CEP128: variants seen among roughly 807,000 people sequenced by gnomAD.
The protein encoded by CEP128 is centrosomal protein 128kDa.
A neutral mutation model predicts 156.7 loss-of-function variants in CEP128; 132 were observed. The observed-to-expected ratio is 0.84, with a 90% CI of 0.73 to 0.97. The LOEUF (loss-of-function observed/expected upper bound fraction) is 0.97. CEP128 is among the 50% of genes least tolerant of loss of function. The pLI is 0.00. For synonymous variants in CEP128, 469 were observed against 448.9 expected, an observed-to-expected ratio of 1.04 and a Z score of -0.57; for missense variants, 1,252 against 1,281.9, an observed-to-expected ratio of 0.98 and a Z score of 0.36.
intron 9 of CEP128, among the ~76,000 whole-genome samples, chr14:80,844,740 A>G (rs1239057560): frequency 6.6e-6 from 1 of 152,068 alleles, no homozygotes. Context: ...AATGGCCTAG[A>G]TGTGTTTTTT....
chr14:80,505,250 T>A (rs1000150643), intron 23 of CEP128, among the ~76,000 whole-genome samples: 4 of 152,220 alleles, frequency 2.6e-5, no homozygotes, highest in Non-Finnish European at 5.9e-5. Context: ...CTTTCCAGTC[T>A]TTTTCCCCCA....
At chr14:80,820,740 T>C (rs1885119355) in intron 13 of CEP128, among the ~76,000 whole-genome samples, 1 of 152,220 alleles carries the variant, frequency 6.6e-6, no homozygotes, top group African/African-American at 2.4e-5. Flanking sequence ...CTTTTCTAAA[T>C]TGTACCAGTA....
At chr14:80,665,182 C>A (rs1895561222) in intron 19 of CEP128, among the ~76,000 whole-genome samples, 1 of 152,154 alleles carries the variant, frequency 6.6e-6, no homozygotes. Flanking sequence ...AGATTGGGAG[C>A]AGTGCTGCTT....
At chr14:80,718,728 G>T (rs1486258519) in intron 19 of CEP128, among the ~76,000 whole-genome samples, 1 of 152,162 alleles carries the variant, frequency 6.6e-6, no homozygotes, top group African/African-American at 2.4e-5. Context: ...TCTGTGAGGA[G>T]AGACAGCAAA....
At chr14:80,522,879 C>G (rs990859321) in intron 23 of CEP128, among the ~76,000 whole-genome samples, 2 of 152,216 alleles carry the variant, frequency 1.3e-5, no homozygotes, top group African/African-American at 4.8e-5. Context: ...GAAATGAATT[C>G]TAACTATAAG....
Position 80,785,152 on chromosome 14 carries a change from C to A in CEP128, c.1954G>T (p.Ala652Ser). The change falls in exon 15 of 25, where the codon GCT becomes TCT. Residue 652 changes from alanine (A) to serine (S), a missense_variant. Physicochemically the swap from Ala to Ser is moderately conservative, Grantham distance 99. Coordinates refer to ENST00000555265, the MANE Select transcript of CEP128 (RefSeq NM_152446.5). ...GCTTTCTTGGCTCTCTCTTCCTCAG[C>A]CAATTTATTAGCAAGATCTGCTCGG... The part of the protein sequence containing the change: ...AIRADLANKL[A>S]EEERAKKAVL... 6.2e-7 allele frequency: 1 copy of A among 1,614,142 alleles called. No homozygotes were observed. Among genetic ancestry groups the A allele is most frequent in the African/African-American group, 1.3e-5 (1 of 75,032 alleles).
At chr14:80,860,142 T>A (rs1243262199) in intron 9 of CEP128, among the ~76,000 whole-genome samples, 1 of 152,172 alleles carries the variant, frequency 6.6e-6, no homozygotes, top group African/African-American at 2.4e-5. Flanking sequence ...AAGTGTTTCC[T>A]CTCCTTAAAC....
chr14:80,954,931 G>T (rs577708810), intron 2 of CEP128: 2 of 153,012 alleles, frequency 1.3e-5, no homozygotes, highest in Non-Finnish European at 2.9e-5. Context: ...TGGCCCCAAA[G>T]TTCAGTTCCT....
intron 2 of CEP128, among the ~76,000 whole-genome samples, chr14:80,928,107 G>T (rs1885248860): frequency 1.3e-5 from 2 of 152,208 alleles, no homozygotes; most frequent in Admixed American, 1.3e-4. Flanking sequence ...AGGTGGGGCA[G>T]CGGGGAGAAG....
rs1005011282 is a variant in CEP128, at chr14:80,757,412, C to G, written c.2554-461G>C. 2.6e-5 allele frequency among the ~76,000 whole-genome samples: 4 copies of G among 152,140 alleles called. No individual in the cohort carries two copies. In the East Asian group the frequency reaches 5.8e-4, roughly 22 times the overall value. ...TAGTAAAAGGGCCATTTTGTCTTATCAATGATTGTCAATAGACACAAACTC... is the reference window on the plus strand; with the variant it reads ...TAGTAAAAGGGCCATTTTGTCTTATGAATGATTGTCAATAGACACAAACTC... On this transcript the variant is annotated intron_variant, in intron 17 of 24. Transcript: ENST00000555265.
Position 80,559,343 on chromosome 14 carries a change from G to A in CEP128, c.2857-41C>T, listed in dbSNP as rs370942633. On this transcript the variant is annotated intron_variant, in intron 20 of 24. Transcript: ENST00000555265. ...AATATATAATTATAAAACGAAGGCT[G>A]TTTAAAATTGTTTCAAGTTTACTTA... 119 of 1,489,128 alleles carry A rather than the reference G, an allele frequency of 8.0e-5. No homozygotes were observed. The Admixed American group carries it at 8.7e-4, about 11-fold the overall frequency. The allele number at this position is 1,489,128 out of a possible 1,614,324, so 92.2% of individuals were successfully genotyped here.
chr14:80,925,360 G>A (rs1594853523), intron 2 of CEP128, among the ~76,000 whole-genome samples: 2 of 151,738 alleles, frequency 1.3e-5, no homozygotes, highest in South Asian at 2.1e-4. Context: ...ATGAGAAGTA[G>A]GTGAAAAACT....
At chr14:80,844,369 G>C (rs200610269) in intron 9 of CEP128, among the ~76,000 whole-genome samples, 1 of 151,738 alleles carries the variant, frequency 6.6e-6, no homozygotes, top group African/African-American at 2.4e-5. Context: ...AAAACAAACC[G>C]CACACACCAC....
chr14:80,703,886 T>C (rs74520999), intron 19 of CEP128, among the ~76,000 whole-genome samples: 57 of 152,070 alleles, frequency 3.7e-4, no homozygotes, highest in Non-Finnish European at 2.1e-4. Context: ...AACAGTTTCA[T>C]CACAAAGATC....
chr14:80,949,083 C>T (rs1416047578), intron 2 of CEP128, among the ~76,000 whole-genome samples: 1 of 152,154 alleles, frequency 6.6e-6, no homozygotes, highest in Non-Finnish European at 1.5e-5. Context: ...GATTTACCCT[C>T]CCACCAGAAT....
chr14:80,709,324 GA>G (rs1897322987), intron 19 of CEP128, among the ~76,000 whole-genome samples: 1 of 152,012 alleles, frequency 6.6e-6, no homozygotes, highest in Non-Finnish European at 1.5e-5. Context: ...TTTTAGTACA[GA>G]TGGGGTTTCA....
At chr14:80,604,661 T>C (rs900389496) in intron 19 of CEP128, among the ~76,000 whole-genome samples, 6 of 152,146 alleles carry the variant, frequency 3.9e-5, no homozygotes, top group South Asian at 2.1e-4. Context: ...CCTGGAGATA[T>C]TGCTGCTGTT....
intron 6 of CEP128, among the ~76,000 whole-genome samples, chr14:80,902,125 C>A (rs1883601404): frequency 6.6e-6 from 1 of 152,248 alleles, no homozygotes; most frequent in South Asian, 2.1e-4. Flanking sequence ...AATTCTGTAG[C>A]CCTATGCATC....
At chr14:80,793,569 T>C (rs182704443) in intron 13 of CEP128, among the ~76,000 whole-genome samples, 1 of 152,222 alleles carries the variant, frequency 6.6e-6, no homozygotes, top group East Asian at 1.9e-4. Context: ...TAAGTAACAA[T>C]AGAGTGACAG....
Sources: gnomAD v4.1 joint callset for allele counts (sites outside exome capture counted in the v4.1 genomes callset) on GRCh38, gnomAD v4.1.1 for gene constraint, MANE v1.5 for transcripts, NCBI Gene and HGNC (gene_info 2026-07-23, HGNC 2026-07-21) for gene names.